Variants in DSCAM observed in about 807,000 individuals in gnomAD.
The protein encoded by DSCAM is cell adhesion molecule DSCAM.
A neutral mutation model predicts 217.7 loss-of-function variants in DSCAM; 47 were observed. The ratio of observed to expected loss-of-function variants is 0.22; its 90% CI spans 0.17 to 0.28. The LOEUF (loss-of-function observed/expected upper bound fraction) is 0.28, where lower values mean the gene tolerates loss of function less well. Ranked by LOEUF, DSCAM falls within the 10% of genes least tolerant of loss-of-function variation. The pLI, the probability that DSCAM is intolerant of heterozygous loss-of-function variation, is 1.00. For synonymous variants in DSCAM, 1,056 were observed against 1,015.3 expected, an observed-to-expected ratio of 1.04 and a Z score of -0.76; for missense variants, 2,080 against 2,618.3, an observed-to-expected ratio of 0.79 and a Z score of 4.49.
chr21:40,673,919 C>T (rs1181629882), intron 3 of DSCAM, among the ~76,000 whole-genome samples: 1 of 152,056 alleles, frequency 6.6e-6, no homozygotes, highest in Non-Finnish European at 1.5e-5. Context: ...TATAAATTAC[C>T]CAGCCTCAGG....
At chr21:40,088,303 T>C (rs1011061889) in intron 21 of DSCAM, among the ~76,000 whole-genome samples, 2 of 152,122 alleles carry the variant, frequency 1.3e-5, no homozygotes, top group Non-Finnish European at 2.9e-5. Flanking sequence ...GTGAGACCCC[T>C]GCACCATTTC....
At chr21:40,343,788 T>C (rs2074525279) in intron 6 of DSCAM, among the ~76,000 whole-genome samples, 1 of 151,774 alleles carries the variant, frequency 6.6e-6, no homozygotes, top group South Asian at 2.1e-4. Flanking sequence ...TTATTACATC[T>C]ATTATATTTA....
intron 3 of DSCAM, among the ~76,000 whole-genome samples, chr21:40,691,915 G>A (rs2090542060): frequency 6.6e-6 from 1 of 152,236 alleles, no homozygotes; most frequent in Admixed American, 6.5e-5. Context: ...CACCGTGAGG[G>A]TTTAGTTCCA....
chr21:40,698,299 A>G (rs2090616693), intron 2 of DSCAM, among the ~76,000 whole-genome samples: 1 of 152,206 alleles, frequency 6.6e-6, no homozygotes, highest in African/African-American at 2.4e-5. Context: ...TCATGCACCT[A>G]GAAGGTCACG....
At chr21:40,083,783 T>G in intron 24 of DSCAM, 125 bp downstream of exon 24, 1 of 615,390 alleles carries the variant, frequency 1.6e-6, no homozygotes, top group Non-Finnish European at 2.7e-6. Context: ...GAGGGATTGT[T>G]TATATGACGT....
At chr21:40,347,297 T>C (rs1456230798) in intron 6 of DSCAM, among the ~76,000 whole-genome samples, 3 of 97,522 alleles carry the variant, frequency 3.1e-5, no homozygotes, top group Admixed American at 1.0e-4. Flanking sequence ...AAACTCCATC[T>C]CAAAAAAAAA....
chr21:40,620,386 G>GAAAGAA (rs1555872444), intron 3 of DSCAM, among the ~76,000 whole-genome samples: 1 of 91,540 alleles, frequency 1.1e-5, no homozygotes, highest in African/African-American at 3.6e-5. Context: ...AAGAAAGAAA[G>GAAAGAA]AGAAAGAAAG....
intron 18 of DSCAM, among the ~76,000 whole-genome samples, chr21:40,139,663 C>T (rs1273952824): frequency 2.0e-5 from 3 of 150,660 alleles, no homozygotes; most frequent in South Asian, 2.1e-4. Context: ...TGTTTGTGTA[C>T]GTGTGGTGTG....
chr21:40,368,284 G>A (rs183471396), intron 4 of DSCAM, among the ~76,000 whole-genome samples: 1 of 152,162 alleles, frequency 6.6e-6, no homozygotes, highest in East Asian at 1.9e-4. Context: ...TCTCCTTAAA[G>A]CTATCATGGA....
At position 40,629,817 on chromosome 21, in the gene DSCAM, T is replaced by C. The variant is rs142645162; in HGVS notation, c.508+62993A>G. ...CCATGAGAAAAGGAGACAAATCATA[T>C]TTAATATTAATAATCATATTCATAT... On this transcript the variant is annotated intron_variant, in intron 3 of 32. Transcript: ENST00000400454. Among the ~76,000 whole-genome samples, 59 of 152,338 alleles carry C rather than the reference T, an allele frequency of 3.9e-4. 2 individuals carry two copies. The highest frequency in any genetic ancestry group is 1.4e-3 in the African/African-American group (58 of 41,576).
chr21:40,434,639 A>G (rs767278851), intron 3 of DSCAM, among the ~76,000 whole-genome samples: 1 of 152,198 alleles, frequency 6.6e-6, no homozygotes, highest in Non-Finnish European at 1.5e-5. Flanking sequence ...ATTAAACAAA[A>G]TAATGCAGCA....
intron 1 of DSCAM, among the ~76,000 whole-genome samples, chr21:40,806,195 A>T (rs939948119): frequency 3.3e-5 from 5 of 152,130 alleles, no homozygotes; most frequent in Admixed American, 6.6e-5. Context: ...CCCACAAGCT[A>T]GATTAAGTCC....
In DSCAM at chr21:40,622,928, T is replaced by C. The variant is rs183351717; in HGVS notation, c.508+69882A>G. On this transcript the variant is annotated intron_variant, in intron 3 of 32. Coordinates refer to ENST00000400454, the MANE Select transcript of DSCAM (RefSeq NM_001389.5). ...AATGTGCTCATTCTTTGTCATATAA[T>C]TGGACCTAATAAACAAACATCACAT... Among the ~76,000 whole-genome samples, 13 of 152,198 alleles carry C rather than the reference T, an allele frequency of 8.5e-5. No individual in the cohort carries two copies. The East Asian group carries it at 2.1e-3, about 25-fold the overall frequency.
chr21:40,130,122 G>GT (rs1323965395), intron 19 of DSCAM, among the ~76,000 whole-genome samples: 1 of 152,172 alleles, frequency 6.6e-6, no homozygotes, highest in African/African-American at 2.4e-5. Context: ...GTTTACTCTT[G>GT]TGTAAAGGGA....
rs374545683 is a variant in DSCAM at position 40,167,172 on chromosome 21, G to A, written c.3018+46C>T. On this transcript the variant is annotated intron_variant, in intron 16 of 32. Coordinates refer to ENST00000400454, the MANE Select transcript of DSCAM (RefSeq NM_001389.5). ...AACACTGAACAGGAGTGAAGGGCTCGCCCTGGGGGGAAAGCACCGAGAATA... is the reference window on the plus strand; with the variant it reads ...AACACTGAACAGGAGTGAAGGGCTCACCCTGGGGGGAAAGCACCGAGAATA... 7.0e-5 allele frequency: 109 copies of A among 1,562,544 alleles called. 1 individual carries two copies. In the Admixed American group the frequency reaches 1.1e-3, roughly 16 times the overall value.
chr21:40,779,032 GAAA>G (rs772208075), intron 1 of DSCAM, among the ~76,000 whole-genome samples: 75 of 45,542 alleles, frequency 1.6e-3, no homozygotes, highest in African/African-American at 6.2e-3. Flanking sequence ...CTCAAAAACA[GAAA>G]AAAAAAAAAA....
chr21:40,263,344 C>T (rs1267160110), intron 11 of DSCAM, among the ~76,000 whole-genome samples: 1 of 152,104 alleles, frequency 6.6e-6, no homozygotes, highest in Non-Finnish European at 1.5e-5. Flanking sequence ...AAGAAAATTT[C>T]AATCATATCA....
At chr21:40,605,820 T>TAAAAAAAAAAAAAAAAAAAAAAAAAAAA (rs869209937) in intron 3 of DSCAM, among the ~76,000 whole-genome samples, 2 of 134,898 alleles carry the variant, frequency 1.5e-5, no homozygotes, top group Non-Finnish European at 3.2e-5. Context: ...TTTTTTTTTT[T>TAAAAAAAAAAAAAAAAAAAAAAAAAAAA]AAGACAGTCT....
chr21:40,052,570 A>C (rs1258593525), intron 29 of DSCAM, among the ~76,000 whole-genome samples: 1 of 152,174 alleles, frequency 6.6e-6, no homozygotes, highest in Non-Finnish European at 1.5e-5. Flanking sequence ...AGTTCTCTCT[A>C]CTGAGGTTTG....
Sources: allele counts gnomAD v4.1 joint callset (sites outside exome capture counted in the v4.1 genomes callset), GRCh38; gene constraint gnomAD v4.1.1; transcripts MANE v1.5; gene names NCBI Gene and HGNC (gene_info 2026-07-23, HGNC 2026-07-21).